The following UBE2N variants were observed in gnomAD, a reference collection of about 807,000 sequenced individuals.
The protein encoded by UBE2N is ubiquitin-conjugating enzyme E2 N.
For missense variants in UBE2N, 60 were observed against 192.1 expected, an observed-to-expected ratio of 0.31 and a Z score of 4.07; for synonymous variants, 70 against 69.2, an observed-to-expected ratio of 1.01 and a Z score of -0.06.
chr12:93,430,484 G>T (rs950869009), intron 1 of UBE2N, among the ~76,000 whole-genome samples: 1 of 152,084 alleles, frequency 6.6e-6, no homozygotes, highest in African/African-American at 2.4e-5. Flanking sequence ...GGCTGGGTGG[G>T]GAGGGGGAGG....
intron 1 of UBE2N, among the ~76,000 whole-genome samples, chr12:93,430,415 G>A (rs1393758871): frequency 1.3e-5 from 2 of 152,232 alleles, no homozygotes; most frequent in East Asian, 3.9e-4. Context: ...TTGCCGGTAA[G>A]AAAGAGCAGC....
At position 93,406,634 on chromosome 12, in the gene UBE2N, C is replaced by CATGT. The variant is rs1222392738; in HGVS notation, c.*3401_*3404dup. On this transcript the variant is annotated 3_prime_UTR_variant, in exon 4 of 4. Transcript: ENST00000318066. Reference sequence around the variant, plus strand: ...CAAAAAACATTGTGTCTGTAGTCAACATGTATATTTTTGTCATTATTCCTT... The same window carrying CATGT: ...CAAAAAACATTGTGTCTGTAGTCAACATGTATGTATATTTTTGTCATTATTCCTT... 1 of 152,190 alleles carries CATGT rather than the reference C, an allele frequency of 6.6e-6. No homozygotes were observed. Among genetic ancestry groups the CATGT allele is most frequent in the African/African-American group, 2.4e-5 (1 of 41,442 alleles). The allele number at this position is 152,190 out of a possible 1,614,324, so 9.4% of individuals were successfully genotyped here.
chr12:93,412,381 T>G (rs73366050), intron 1 of UBE2N, among the ~76,000 whole-genome samples: 1 of 152,170 alleles, frequency 6.6e-6, no homozygotes, highest in South Asian at 2.1e-4. Flanking sequence ...TACACTCTGG[T>G]TTTTCTCCTG....
At chr12:93,437,391 A>C (rs1052325761) in intron 1 of UBE2N, among the ~76,000 whole-genome samples, 19 of 151,464 alleles carry the variant, frequency 1.3e-4, no homozygotes, top group Non-Finnish European at 1.2e-4. Context: ...TTGAAGATAC[A>C]TAGGTGGTTA....
At chr12:93,410,559 T>TG (rs1228767963) in intron 3 of UBE2N, 175 bp downstream of exon 3, 9 of 879,412 alleles carry the variant, frequency 1.0e-5, no homozygotes, top group South Asian at 1.8e-5. Context: ...TCTTTATATT[T>TG]GGGGGGTCCC....
In UBE2N at chr12:93,411,037, T is replaced by TA. The variant is rs1878018796; in HGVS notation, c.277+15dup. 1 of 1,614,016 alleles carries TA rather than the reference T, an allele frequency of 6.2e-7. No homozygotes were observed. Among genetic ancestry groups the TA allele is most frequent in the Non-Finnish European group, 8.5e-7 (1 of 1,179,854 alleles). The stretch of plus-strand genomic sequence containing the variant: ...AAAGCTTAATAATAGCATATGCTGA[T>TA]AAAGATAACACTTACCTTTCAAAAT... On this transcript the variant is annotated intron_variant, in intron 2 of 3. Transcript: ENST00000318066.
intron 1 of UBE2N, among the ~76,000 whole-genome samples, chr12:93,417,349 T>C (rs1025804551): frequency 2.0e-5 from 3 of 152,212 alleles, no homozygotes; most frequent in Admixed American, 1.3e-4. Context: ...TGTCAACCTA[T>C]CTCTATTAAC....
At chr12:93,432,554 G>A (rs966566874) in intron 1 of UBE2N, among the ~76,000 whole-genome samples, 1 of 151,084 alleles carries the variant, frequency 6.6e-6, no homozygotes, top group Non-Finnish European at 1.5e-5. Context: ...GAAAGTTACA[G>A]AGCAATAAAA....
In UBE2N at chr12:93,441,871, G is replaced by A. The variant is rs1397918849; in HGVS notation, c.14C>T (p.Pro5Leu). The A allele has an allele frequency of 6.3e-7, 1 of 1,578,400 alleles. No homozygotes were observed. The highest frequency in any genetic ancestry group is 8.6e-7 in the Non-Finnish European group (1 of 1,164,978). The change falls in exon 1 of 4, where the codon CCC (proline) becomes CTC (leucine). Residue 5 changes from proline (P) to leucine (L), a missense_variant. Coordinates refer to ENST00000318066, the MANE Select transcript of UBE2N (RefSeq NM_003348.4). ...GGCGGTTACCTTGATGATCCTGCGG[G>A]GCAGCCCGGCCATCTTGTCAGAACC... MAGL[P>L]RRIIKETQRL...
At chr12:93,421,910 T>C (rs1404546319) in intron 1 of UBE2N, among the ~76,000 whole-genome samples, 3 of 152,230 alleles carry the variant, frequency 2.0e-5, no homozygotes, top group East Asian at 3.8e-4. Flanking sequence ...GTAAAACTTC[T>C]TGGCATCCAG....
intron 1 of UBE2N, among the ~76,000 whole-genome samples, chr12:93,412,049 AG>A (rs1878047619): frequency 6.6e-6 from 1 of 152,134 alleles, no homozygotes; most frequent in South Asian, 2.1e-4. Context: ...AACGGACTAA[AG>A]AAAGGAGATA....
rs1877851573 is a variant in UBE2N, at chr12:93,406,888, A to G, written c.*3151T>C. On this transcript the variant is annotated 3_prime_UTR_variant, in exon 4 of 4. Transcript: ENST00000318066. ...CTTTAGACCTAAGATCTTGCTAGAC[A>G]GCCTTTGAGAGGATGAAGGATAACT... The G allele has an allele frequency of 6.6e-6, 1 of 152,236 alleles. No homozygotes were observed. Among genetic ancestry groups the G allele is most frequent in the African/African-American group, 2.4e-5 (1 of 41,476 alleles). The allele number at this position is 152,236 out of a possible 1,614,324, so 9.4% of individuals were successfully genotyped here.
At chr12:93,421,260 G>C (rs558948425) in intron 1 of UBE2N, among the ~76,000 whole-genome samples, 137 of 151,794 alleles carry the variant, frequency 9.0e-4, no homozygotes, top group African/African-American at 3.1e-3. Context: ...GGAGTGCAGT[G>C]ATACAATCTC....
chr12:93,432,091 G>C (rs536367929), intron 1 of UBE2N, among the ~76,000 whole-genome samples: 77 of 152,294 alleles, frequency 5.1e-4, no homozygotes, highest in Non-Finnish European at 1.0e-3. Flanking sequence ...AATTAGCCGG[G>C]TGTGGTGGCG....
At chr12:93,413,858 C>T (rs549900504) in intron 1 of UBE2N, among the ~76,000 whole-genome samples, 30 of 152,304 alleles carry the variant, frequency 2.0e-4, no homozygotes, top group African/African-American at 7.0e-4. Flanking sequence ...TATCCACAGA[C>T]CCTTTAAAAG....
At chr12:93,432,325 G>GA (rs1393980828) in intron 1 of UBE2N, among the ~76,000 whole-genome samples, 7 of 151,380 alleles carry the variant, frequency 4.6e-5, no homozygotes, top group African/African-American at 1.2e-4. Flanking sequence ...TAATTGAACT[G>GA]AAAAAAAATC....
intron 1 of UBE2N, among the ~76,000 whole-genome samples, chr12:93,438,489 G>A (rs192156053): frequency 8.1e-4 from 124 of 152,230 alleles, no homozygotes; most frequent in African/African-American, 2.7e-3. Flanking sequence ...GCAACAGTGT[G>A]GCTACAGTGG....
chr12:93,426,282 C>T (rs1276590544), intron 1 of UBE2N, among the ~76,000 whole-genome samples: 1 of 150,706 alleles, frequency 6.6e-6, no homozygotes, highest in Admixed American at 6.7e-5. Context: ...TTCATGTGGA[C>T]AGCTTGAGTC....
intron 1 of UBE2N, among the ~76,000 whole-genome samples, chr12:93,412,306 G>C (rs1878052956): frequency 6.6e-6 from 1 of 152,016 alleles, no homozygotes; most frequent in African/African-American, 2.4e-5. Context: ...CCTATTTCAT[G>C]ACAAGTTAGA....
Sources: gnomAD v4.1 joint callset for allele counts (sites outside exome capture counted in the v4.1 genomes callset) on GRCh38, gnomAD v4.1.1 for gene constraint, MANE v1.5 for transcripts, NCBI Gene and HGNC (gene_info 2026-07-23, HGNC 2026-07-21) for gene names.